MYH7B: variants seen among roughly 807,000 people sequenced by gnomAD.
MYH7B encodes the protein myosin heavy chain 7B.
Under a neutral mutation model 234.5 loss-of-function variants are expected in MYH7B, and 205 were observed. That is an observed-to-expected ratio of 0.87 (90% CI 0.78 to 0.98). The LOEUF (loss-of-function observed/expected upper bound fraction) is 0.98, where lower values mean the gene tolerates loss of function less well. Among genes scored for constraint, MYH7B ranks in the 50% least tolerant of loss-of-function variants. The pLI, the probability that MYH7B is intolerant of heterozygous loss-of-function variation, is 0.00. For synonymous variants in MYH7B, 1,193 were observed against 1,105.0 expected (o/e 1.08, Z -1.58); for missense variants, 2,652 against 2,633.4 (o/e 1.01, Z -0.15).
chr20:34,994,284 A>G, exon 27 of MYH7B: 1 of 1,612,370 alleles, frequency 6.2e-7, no homozygotes, highest in Non-Finnish European at 8.5e-7. Context: ...CCCTGCGGGC[A>G]GAGCTGCGGG....
At chr20:34,999,744 T>TGGGGGGGG in intron 37 of MYH7B, 47 bp from the exon 38 acceptor site, 2 of 1,574,786 alleles carry the variant, frequency 1.3e-6, no homozygotes, top group Non-Finnish European at 1.7e-6. Flanking sequence ...GCTGCTCCAC[T>TGGGGGGGG]GGCCATCCCC....
At chr20:34,989,601 G>A (rs1173804571) in intron 19 of MYH7B, 139 bp from the exon 20 acceptor site, 2 of 838,780 alleles carry the variant, frequency 2.4e-6, no homozygotes, top group East Asian at 2.7e-5. Flanking sequence ...TGGGTGTGGT[G>A]TCTGACCATC....
exon 43 of MYH7B, chr20:35,001,494 G>T: frequency 6.2e-7 from 1 of 1,610,304 alleles, no homozygotes; most frequent in Non-Finnish European, 8.5e-7. Flanking sequence ...GCAGAGCAAG[G>T]TCAAGAGCTA....
At chr20:34,990,678 G>A in intron 22 of MYH7B, 60 bp from the exon 23 acceptor site, 6 of 1,515,594 alleles carry the variant, frequency 4.0e-6, no homozygotes, top group East Asian at 2.3e-5. Context: ...GACCACTGCG[G>A]CATCCAATTC....
intron 13 of MYH7B, 65 bp downstream of exon 13, chr20:34,985,194 C>G: frequency 6.6e-7 from 1 of 1,511,740 alleles, no homozygotes; most frequent in Non-Finnish European, 9.2e-7. Flanking sequence ...CCAACTCGGC[C>G]TCTGTCATCA....
intron 16 of MYH7B, 36 bp from the exon 17 acceptor site, chr20:34,987,521 G>GT: frequency 6.5e-7 from 1 of 1,528,912 alleles, no homozygotes; most frequent in Admixed American, 1.8e-5. Context: ...GCGCATGGTG[G>GT]TGTCCTCCTC....
chr20:34,988,809 T>A lies in MYH7B; in HGVS notation c.1587+547T>A, dbSNP rs922420564. Among the ~76,000 whole-genome samples, 8 of 9,534 alleles carry A rather than the reference T, an allele frequency of 8.4e-4. No individual in the cohort carries two copies. The East Asian group carries it at 0.016, about 19-fold the overall frequency. 6.3% of individuals were successfully genotyped at this position (9,534 alleles called of 152,430 possible). On this transcript the variant is annotated intron_variant, in intron 19 of 44. Coordinates refer to ENST00000262873, the Ensembl canonical transcript of MYH7B. ...ATTTCCTCGAAATCCTTTATCCCTTTTTTTTTTTTTTTTTTTTTGAGATGG... is the reference window on the plus strand; with the variant it reads ...ATTTCCTCGAAATCCTTTATCCCTTATTTTTTTTTTTTTTTTTTGAGATGG...
chr20:34,994,199 A>G (rs760643194), exon 27 of MYH7B: 1 of 1,613,440 alleles, frequency 6.2e-7, no homozygotes, highest in Non-Finnish European at 8.5e-7. Context: ...GCCGTCAAGA[A>G]CTGGTCATGG....
At chr20:35,002,046 C>A (rs1210435849) in exon 44 of MYH7B, 1 of 1,613,700 alleles carries the variant, frequency 6.2e-7, no homozygotes, top group Admixed American at 1.7e-5. Flanking sequence ...CCCAGGCCAA[C>A]AAGCTGCGGG....
At chr20:34,969,986 A>G (rs981300209) in intron 2 of MYH7B, among the ~76,000 whole-genome samples, 2 of 152,198 alleles carry the variant, frequency 1.3e-5, no homozygotes, top group African/African-American at 4.8e-5. Context: ...ACTAGGAGGT[A>G]GGTCCTGTTT....
chr20:35,001,381 C>G (rs2082377761), intron 42 of MYH7B, 32 bp downstream of exon 42: 1 of 1,596,272 alleles, frequency 6.3e-7, no homozygotes, highest in Non-Finnish European at 8.5e-7. Context: ...GGGAGTGGCC[C>G]TGGAGCTGGC....
intron 26 of MYH7B, among the ~76,000 whole-genome samples, chr20:34,993,754 ACTTT>A (rs2082201910): frequency 6.6e-6 from 1 of 152,194 alleles, no homozygotes; most frequent in African/African-American, 2.4e-5. Flanking sequence ...CAGGCAAGAT[ACTTT>A]CTCTGCATTA....
chr20:34,977,990 C>A, exon 5 of MYH7B: 1 of 1,614,090 alleles, frequency 6.2e-7, no homozygotes, highest in Non-Finnish European at 8.5e-7. Context: ...TCCTCCTTCA[C>A]CCCAGTGCCA....
chr20:34,999,927 T>G, intron 38 of MYH7B, 21 bp downstream of exon 38: 1 of 1,597,466 alleles, frequency 6.3e-7, no homozygotes, highest in South Asian at 1.1e-5. Flanking sequence ...CCTTCTCCCG[T>G]CCCCACCTCC....
At position 34,988,163 on chromosome 20, in the gene MYH7B, GT is replaced by G. The variant is rs757324296; in HGVS notation, c.1491del (p.Phe497LeufsTer109). On this transcript the variant is annotated frameshift_variant, in exon 19 of 45. Coordinates refer to ENST00000262873, the Ensembl canonical transcript of MYH7B. LOFTEE classifies it high-confidence loss of function. Reference sequence around the variant, plus strand: ...TGCAGCAGTTCTTCAACCAGCACATGTTTGTGCTGGAGCAGGAGGAGTACAA... The same window carrying G: ...TGCAGCAGTTCTTCAACCAGCACATGTTGTGCTGGAGCAGGAGGAGTACAA... 9.9e-6 allele frequency: 16 copies of G among 1,613,608 alleles called. No individual in the cohort carries two copies. Among genetic ancestry groups the G allele is most frequent in the Non-Finnish European group, 1.3e-5 (15 of 1,179,720 alleles).
intron 10 of MYH7B, 21 bp from the exon 11 acceptor site, chr20:34,984,668 ATGT>A: frequency 6.2e-7 from 1 of 1,601,030 alleles, no homozygotes; most frequent in Non-Finnish European, 8.5e-7. Context: ...TGGCCCTCTA[ATGT>A]TGTCTGTCTT....
At chr20:34,983,617 G>T (rs2081973961) in intron 10 of MYH7B, among the ~76,000 whole-genome samples, 1 of 152,086 alleles carries the variant, frequency 6.6e-6, no homozygotes, top group Admixed American at 6.6e-5. Context: ...GCAAGGGAGG[G>T]GTGGGAGAGG....
At chr20:34,980,775 C>T in intron 8 of MYH7B, 41 bp downstream of exon 8, 1 of 1,600,954 alleles carries the variant, frequency 6.2e-7, no homozygotes, top group South Asian at 1.1e-5. Context: ...CAGACCCCGA[C>T]CTCGGTCCCG....
Position 35,001,421 on chromosome 20 carries a change from G to A in MYH7B, c.5581-10G>A. On this transcript the variant is annotated splice_polypyrimidine_tract_variant and intron_variant, in intron 42 of 44. Transcript: ENST00000262873. The stretch of plus-strand genomic sequence containing the variant: ...CCCAAGCAAGCCCTGAGTCCCCCTT[G>A]CCCGCCCAGGCCGAGGAGGACAGGA... 1 of 1,595,118 alleles carries A rather than the reference G, an allele frequency of 6.3e-7. No individual in the cohort carries two copies. The highest frequency in any genetic ancestry group is 1.8e-5 in the Admixed American group (1 of 56,244).
Sources: gnomAD v4.1 joint callset for allele counts (sites outside exome capture counted in the v4.1 genomes callset) on GRCh38, gnomAD v4.1.1 for gene constraint, MANE v1.5 for transcripts, NCBI Gene and HGNC (gene_info 2026-07-23, HGNC 2026-07-21) for gene names.